TRHDE: variants seen among roughly 807,000 people sequenced by gnomAD.
TRHDE encodes the protein thyrotropin releasing hormone degrading enzyme.
TRHDE carries 72 observed loss-of-function variants against 125.7 expected under a neutral mutation model. That is an observed-to-expected ratio of 0.57 (90% CI 0.47 to 0.70). The LOEUF (loss-of-function observed/expected upper bound fraction) is 0.70, where lower values mean the gene tolerates loss of function less well. TRHDE is among the 30% of genes least tolerant of loss of function. The pLI is 0.00. For missense variants in TRHDE, 1,110 were observed against 1,327.1 expected, an observed-to-expected ratio of 0.84 and a Z score of 2.54; for synonymous variants, 509 against 509.1, an observed-to-expected ratio of 1.00 and a Z score of 0.00.
At chr12:72,392,398 G>A (rs1872641866) in intron 3 of TRHDE, among the ~76,000 whole-genome samples, 1 of 151,992 alleles carries the variant, frequency 6.6e-6, no homozygotes, top group South Asian at 2.1e-4. Flanking sequence ...AGAAATTATT[G>A]ATCTACTTCC....
In TRHDE at chr12:72,150,520, G is replaced by C. The variant is rs181184494; in HGVS notation, n.279+44768G>C. Among the ~76,000 whole-genome samples the C allele has an allele frequency of 3.1e-3, 459 of 150,410 alleles. 3 individuals are homozygous for C. Among genetic ancestry groups the C allele is most frequent in the African/African-American group, 0.01 (422 of 41,002 alleles). ...CCATTAACTCGTCATTTAACATTAGGTATATCTCCTAATGCTATCCCTCCC... is the reference window on the plus strand; with the variant it reads ...CCATTAACTCGTCATTTAACATTAGCTATATCTCCTAATGCTATCCCTCCC... On this transcript the variant is annotated intron_variant and non_coding_transcript_variant, in intron 2 of 4. Coordinates refer to the TRHDE transcript ENST00000548156.
At chr12:72,179,950 A>G (rs570096921) in intron 2 of TRHDE, among the ~76,000 whole-genome samples, 4 of 152,068 alleles carry the variant, frequency 2.6e-5, no homozygotes, top group South Asian at 2.1e-4. Context: ...TTGTTACTTT[A>G]TAATAAGTTG....
intron 12 of TRHDE, among the ~76,000 whole-genome samples, chr12:72,609,682 A>C (rs932681295): frequency 5.3e-5 from 8 of 152,324 alleles, no homozygotes; most frequent in Non-Finnish European, 7.4e-5. Context: ...TGACATAAAC[A>C]TTAGACTAGA....
intron 2 of TRHDE, among the ~76,000 whole-genome samples, chr12:72,324,491 A>G (rs1869247760): frequency 6.6e-6 from 1 of 152,138 alleles, no homozygotes; most frequent in Non-Finnish European, 1.5e-5. Flanking sequence ...TACATGGGCG[A>G]GAAATCAGGT....
At chr12:72,563,888 T>G (rs1870305980) in intron 9 of TRHDE, among the ~76,000 whole-genome samples, 1 of 152,158 alleles carries the variant, frequency 6.6e-6, no homozygotes, top group Non-Finnish European at 1.5e-5. Flanking sequence ...GGGTTACTCA[T>G]GCTGTCTCCC....
rs1875113989 is a variant in TRHDE, at chr12:72,666,368, AT to A, written c.*3175del. Reference sequence around the variant, plus strand: ...GGTTTGAGACCAGTCTGGGAAACATATTGAGGCCCCATTTCTATAAAAATAA... The same window carrying A: ...GGTTTGAGACCAGTCTGGGAAACATATGAGGCCCCATTTCTATAAAAATAA... On this transcript the variant is annotated 3_prime_UTR_variant, in exon 19 of 19. Transcript: ENST00000261180. The A allele has an allele frequency of 6.6e-6, 1 of 151,952 alleles. No individual in the cohort carries two copies. Among genetic ancestry groups the A allele is most frequent in the Admixed American group, 6.6e-5 (1 of 15,206 alleles). The allele number at this position is 151,952 out of a possible 1,614,324, so 9.4% of individuals were successfully genotyped here.
intron 3 of TRHDE, among the ~76,000 whole-genome samples, chr12:72,452,705 C>G (rs1875639866): frequency 6.6e-6 from 1 of 152,028 alleles, no homozygotes; most frequent in South Asian, 2.1e-4. Flanking sequence ...TCTCATGGAT[C>G]ATTTAGTACC....
At chr12:72,470,943 C>T (rs995550246) in intron 4 of TRHDE, among the ~76,000 whole-genome samples, 1 of 118,960 alleles carries the variant, frequency 8.4e-6, no homozygotes, top group Non-Finnish European at 1.6e-5. Context: ...GTGGTGCAAT[C>T]TTGGCTCACT....
rs71071820 is a variant in TRHDE at position 72,238,275 on chromosome 12, AATATATATATATATATATAT to A, written n.279+132551_279+132570del. Among the ~76,000 whole-genome samples, 58 of 38,232 alleles carry A rather than the reference AATATATATATATATATATAT, an allele frequency of 1.5e-3. 1 individual carries two copies. The highest frequency in any genetic ancestry group is 0.021 in the Middle Eastern group (1 of 48). 25.1% of individuals were successfully genotyped at this position (38,232 alleles called of 152,430 possible). ...AGTGGTCAGAAGTGGTCAGATCCTTAATATATATATATATATATATATATATATATATATATATATATATA... is the reference window on the plus strand; with the variant it reads ...AGTGGTCAGAAGTGGTCAGATCCTTAATATATATATATATATATATATATA... On this transcript the variant is annotated intron_variant and non_coding_transcript_variant, in intron 2 of 4. Transcript: ENST00000548156.
intron 3 of TRHDE, among the ~76,000 whole-genome samples, chr12:72,387,830 T>C (rs1872488442): frequency 6.6e-6 from 1 of 152,202 alleles, no homozygotes; most frequent in Non-Finnish European, 1.5e-5. Flanking sequence ...CCTGCAGCCA[T>C]GTAAGATGTG....
chr12:72,577,884 A>G (rs1423372208), intron 12 of TRHDE, among the ~76,000 whole-genome samples: 1 of 152,150 alleles, frequency 6.6e-6, no homozygotes, highest in Non-Finnish European at 1.5e-5. Context: ...ATGGAATCTC[A>G]TTGAATATAT....
intron 2 of TRHDE, among the ~76,000 whole-genome samples, chr12:72,170,559 G>C (rs1876849906): frequency 6.6e-6 from 1 of 151,970 alleles, no homozygotes; most frequent in Admixed American, 6.6e-5. Flanking sequence ...GTGAGCATCA[G>C]GACCACCTGG....
chr12:72,310,273 G>T (rs1381657246), intron 2 of TRHDE, among the ~76,000 whole-genome samples: 2 of 152,332 alleles, frequency 1.3e-5, no homozygotes, highest in African/African-American at 4.8e-5. Flanking sequence ...GCCTTAATAT[G>T]TGCCAATAGC....
chr12:72,634,093 C>T (rs893774622), intron 15 of TRHDE, among the ~76,000 whole-genome samples: 7 of 152,128 alleles, frequency 4.6e-5, no homozygotes, highest in Non-Finnish European at 1.0e-4. Context: ...GTGCTAAGCA[C>T]TGGACAGACA....
At chr12:72,147,747 T>C (rs1181569394) in intron 2 of TRHDE, 1 of 152,266 alleles carries the variant, frequency 6.6e-6, no homozygotes, top group East Asian at 1.9e-4. Context: ...TATACTGATA[T>C]TCCTTGTTTG....
At chr12:72,577,075 G>A (rs1321789776) in intron 12 of TRHDE, among the ~76,000 whole-genome samples, 1 of 152,094 alleles carries the variant, frequency 6.6e-6, no homozygotes, top group East Asian at 1.9e-4. Context: ...AAAGTTTTAT[G>A]TACGAAAGAA....
chr12:72,197,171 C>T (rs1157546188), intron 2 of TRHDE, among the ~76,000 whole-genome samples: 2 of 152,068 alleles, frequency 1.3e-5, no homozygotes, highest in Non-Finnish European at 2.9e-5. Context: ...TTTCTTCCTA[C>T]CTCATTGGTA....
chr12:72,371,835 A>G lies in TRHDE; in HGVS notation c.1189-6160A>G, dbSNP rs578155738. ...GTTCCAAGTCTTTGCTATTGTGAAT[A>G]GTGCCGCAATAAACATACATGTGCA... On this transcript the variant is annotated intron_variant, in intron 2 of 18. Transcript: ENST00000261180. Among the ~76,000 whole-genome samples, 248 of 152,292 alleles carry G rather than the reference A, an allele frequency of 1.6e-3. 2 individuals carry two copies. Among genetic ancestry groups the G allele is most frequent in the East Asian group, 0.016 (82 of 5,192 alleles).
chr12:72,458,219 A>G (rs768239225), intron 3 of TRHDE, among the ~76,000 whole-genome samples: 2 of 152,240 alleles, frequency 1.3e-5, no homozygotes, highest in Non-Finnish European at 1.5e-5. Flanking sequence ...ATGAGCAACT[A>G]GTATTCTTTG....
Sources: gnomAD v4.1 joint callset for allele counts (sites outside exome capture counted in the v4.1 genomes callset) on GRCh38, gnomAD v4.1.1 for gene constraint, MANE v1.5 for transcripts, NCBI Gene and HGNC (gene_info 2026-07-23, HGNC 2026-07-21) for gene names.